The following GABRG3 variants were observed in gnomAD, a reference collection of about 807,000 sequenced individuals.
GABRG3 encodes the protein gamma-aminobutyric acid type A receptor subunit gamma3.
In GABRG3, 25 loss-of-function variants were observed where a neutral mutation model predicts 48.8. The observed-to-expected ratio is 0.51, with a 90% confidence interval of 0.37 to 0.72. The LOEUF is 0.72. Among genes scored for constraint, GABRG3 ranks in the 30% least tolerant of loss-of-function variants. The pLI, the probability that GABRG3 is intolerant of heterozygous loss-of-function variation, is 0.00. For missense variants in GABRG3, 394 were observed against 577.9 expected (o/e 0.68, Z 3.26); for synonymous variants, 227 against 217.6 (o/e 1.04, Z -0.38).
chr15:27,408,000 C>G (rs537783058), intron 5 of GABRG3, among the ~76,000 whole-genome samples: 1 of 152,294 alleles, frequency 6.6e-6, no homozygotes, highest in South Asian at 2.1e-4. Context: ...ATGCACCACT[C>G]TGGTGTGGGA....
chr15:27,356,472 C>A (rs930881643), intron 5 of GABRG3, among the ~76,000 whole-genome samples: 1 of 152,170 alleles, frequency 6.6e-6, no homozygotes, highest in South Asian at 2.1e-4. Context: ...TCCCTCGGCT[C>A]TTCTCTTCAG....
intron 5 of GABRG3, among the ~76,000 whole-genome samples, chr15:27,461,847 TAG>T (rs1397551409): frequency 6.6e-6 from 1 of 152,224 alleles, no homozygotes; most frequent in Non-Finnish European, 1.5e-5. Context: ...AAAAACAGTG[TAG>T]AGAGACTTCT....
intron 3 of GABRG3, among the ~76,000 whole-genome samples, chr15:27,210,993 G>T (rs888017770): frequency 3.0e-4 from 45 of 152,126 alleles, no homozygotes; most frequent in African/African-American, 1.1e-3. Flanking sequence ...AAATAAAAGA[G>T]GGGGTAGAGA....
intron 3 of GABRG3, among the ~76,000 whole-genome samples, chr15:27,188,544 C>T (rs941964202): frequency 3.3e-5 from 5 of 151,440 alleles, no homozygotes; most frequent in African/African-American, 1.2e-4. Flanking sequence ...AGTGTCTGTT[C>T]ATGTCCTTTG....
intron 3 of GABRG3, among the ~76,000 whole-genome samples, chr15:27,146,477 C>T (rs982490104): frequency 6.6e-6 from 1 of 152,184 alleles, no homozygotes; most frequent in Non-Finnish European, 1.5e-5. Context: ...ACAACAACAA[C>T]AAAAACTAGT....
chr15:27,351,459 TTGTG>T (rs573173557), intron 5 of GABRG3, among the ~76,000 whole-genome samples: 122 of 140,952 alleles, frequency 8.7e-4, no homozygotes, highest in Non-Finnish European at 1.3e-3. Flanking sequence ...GTGTGTGTGT[TTGTG>T]TGTGTATGTT....
intron 3 of GABRG3, among the ~76,000 whole-genome samples, chr15:27,306,725 TTATA>T (rs1489015218): frequency 1.6e-5 from 2 of 128,274 alleles, no homozygotes; most frequent in East Asian, 2.2e-4. Context: ...ATAAACATGT[TTATA>T]TATAAACATA....
At chr15:27,222,365 G>A (rs1889480560) in intron 3 of GABRG3, among the ~76,000 whole-genome samples, 1 of 152,212 alleles carries the variant, frequency 6.6e-6, no homozygotes, top group African/African-American at 2.4e-5. Context: ...AAGAGTACCT[G>A]AGAGATACTT....
intron 3 of GABRG3, among the ~76,000 whole-genome samples, chr15:27,216,124 C>T (rs1323758842): frequency 6.6e-6 from 1 of 152,146 alleles, no homozygotes; most frequent in African/African-American, 2.4e-5. Flanking sequence ...TTGCCCAGAG[C>T]AGAGAGTAGC....
intron 2 of GABRG3, among the ~76,000 whole-genome samples, chr15:27,013,825 T>C (rs1406820460): frequency 6.6e-6 from 1 of 152,076 alleles, no homozygotes; most frequent in Non-Finnish European, 1.5e-5. Context: ...TCCCCCAGGA[T>C]TGTTTTGGCT....
chr15:27,239,774 T>C (rs1463505147), intron 3 of GABRG3, among the ~76,000 whole-genome samples: 1 of 152,188 alleles, frequency 6.6e-6, no homozygotes, highest in Admixed American at 6.5e-5. Flanking sequence ...AAAAATGTAT[T>C]CTCAGTTATC....
chr15:27,289,251 C>T (rs1184901673), intron 3 of GABRG3, among the ~76,000 whole-genome samples: 7 of 150,702 alleles, frequency 4.6e-5, no homozygotes, highest in African/African-American at 7.5e-5. Flanking sequence ...AATTGCTTTC[C>T]GCCCATTCTA....
chr15:27,225,241 TTGTCCTTCCCA>T (rs1190179002), intron 3 of GABRG3, among the ~76,000 whole-genome samples: 1 of 152,130 alleles, frequency 6.6e-6, no homozygotes, highest in Non-Finnish European at 1.5e-5. Context: ...CTGTCTTCCC[TTGTCCTTCCCA>T]TGACAGTGCC....
At chr15:27,190,335 G>A (rs1275872106) in intron 3 of GABRG3, among the ~76,000 whole-genome samples, 4 of 152,240 alleles carry the variant, frequency 2.6e-5, no homozygotes, top group African/African-American at 4.8e-5. Context: ...GGTAGAATTC[G>A]GCTGTGAATC....
chr15:27,238,146 T>G (rs1238400169), intron 3 of GABRG3, among the ~76,000 whole-genome samples: 25 of 100,374 alleles, frequency 2.5e-4, no homozygotes, highest in African/African-American at 6.7e-4. Context: ...GATTCTTGCT[T>G]CTTTTTTTCT....
intron 3 of GABRG3, among the ~76,000 whole-genome samples, chr15:27,222,827 C>T (rs946114768): frequency 1.3e-5 from 2 of 152,198 alleles, no homozygotes; most frequent in African/African-American, 4.8e-5. Context: ...GTGCACTCTC[C>T]TGGGAATGGT....
At chr15:26,977,535 T>G (rs918018127) in intron 2 of GABRG3, among the ~76,000 whole-genome samples, 1 of 152,274 alleles carries the variant, frequency 6.6e-6, no homozygotes, top group Non-Finnish European at 1.5e-5. Context: ...TATTTTTATT[T>G]ATTTTTTTGT....
chr15:27,446,115 A>C (rs1237743767), intron 5 of GABRG3, among the ~76,000 whole-genome samples: 2 of 152,096 alleles, frequency 1.3e-5, no homozygotes, highest in African/African-American at 4.8e-5. Context: ...TCTTTGTTTT[A>C]GCTATTCTGG....
chr15:27,132,269 C>G (rs1267935755), intron 3 of GABRG3, among the ~76,000 whole-genome samples: 1 of 151,952 alleles, frequency 6.6e-6, no homozygotes, highest in Non-Finnish European at 1.5e-5. Flanking sequence ...AGTTTCAGGT[C>G]TTACATTTAA....
Sources: gnomAD v4.1 joint callset for allele counts (sites outside exome capture counted in the v4.1 genomes callset) on GRCh38, gnomAD v4.1.1 for gene constraint, MANE v1.5 for transcripts, NCBI Gene and HGNC (gene_info 2026-07-23, HGNC 2026-07-21) for gene names.